Variants in TRAK1 observed in about 807,000 individuals in gnomAD.
The protein encoded by TRAK1 is trafficking kinesin protein 1, also known as trafficking kinesin-binding protein 1.
Under a neutral mutation model 92.1 loss-of-function variants are expected in TRAK1, and 33 were observed. That is an observed-to-expected ratio of 0.36 (90% confidence interval 0.27 to 0.48). The LOEUF is 0.48. Ranked by LOEUF, TRAK1 falls within the 20% of genes least tolerant of loss-of-function variation. The pLI, the probability that TRAK1 is intolerant of heterozygous loss-of-function variation, is 0.99. For missense variants in TRAK1, 1,123 were observed against 1,257.9 expected (o/e 0.89, Z 1.62); for synonymous variants, 521 against 517.3 (o/e 1.01, Z -0.10).
At chr3:42,052,007 C>G (rs1576186076) in intron 1 of TRAK1, among the ~76,000 whole-genome samples, 1 of 152,306 alleles carries the variant, frequency 6.6e-6, no homozygotes, top group African/African-American at 2.4e-5. Flanking sequence ...GATATGACAG[C>G]TTAGCATGTG....
At chr3:42,020,586 T>C (rs950703909) in intron 1 of TRAK1, among the ~76,000 whole-genome samples, 7 of 152,228 alleles carry the variant, frequency 4.6e-5, no homozygotes, top group Non-Finnish European at 1.0e-4. Context: ...GTTGGGACTA[T>C]CATGGATAAA....
chr3:42,200,439 C>T (rs1208769283), intron 11 of TRAK1, among the ~76,000 whole-genome samples: 1 of 152,186 alleles, frequency 6.6e-6, no homozygotes, highest in African/African-American at 2.4e-5. Context: ...GAGCAGTAAA[C>T]ACTGCCCTGC....
Position 42,171,274 on chromosome 3 carries a change from G to A in TRAK1, c.287-5540G>A, listed in dbSNP as rs1702527125. Reference sequence around the variant, plus strand: ...AGATATGTAGAGCTGACATCAATGGGAGGAATGTTACCAGAATTAGGTTAA... The same window carrying A: ...AGATATGTAGAGCTGACATCAATGGAAGGAATGTTACCAGAATTAGGTTAA... On this transcript the variant is annotated intron_variant, in intron 2 of 15. Transcript: ENST00000327628. Among the ~76,000 whole-genome samples the A allele has an allele frequency of 2.0e-5, 3 of 152,166 alleles. No individual in the cohort carries two copies. In the South Asian group the frequency reaches 6.2e-4, roughly 32 times the overall value.
At chr3:42,103,489 C>A (rs6808207) in intron 1 of TRAK1, among the ~76,000 whole-genome samples, 1 of 151,990 alleles carries the variant, frequency 6.6e-6, no homozygotes, top group Non-Finnish European at 1.5e-5. Flanking sequence ...GTTCTTAATA[C>A]GCTTTCAAAG....
chr3:42,142,372 T>C (rs1020233785), intron 2 of TRAK1, among the ~76,000 whole-genome samples: 1 of 152,198 alleles, frequency 6.6e-6, no homozygotes, highest in African/African-American at 2.4e-5. Context: ...GTTAGTGTCT[T>C]ACTGTTATCA....
Position 42,223,856 on chromosome 3 carries a change from C to T in TRAK1, c.*119C>T. On this transcript the variant is annotated 3_prime_UTR_variant, in exon 16 of 16. Transcript: ENST00000327628. This position sits in a 1 kb window ranked among gnomAD's most constrained non-coding sequence, Gnocchi z 6.1. ...TCTGCCCTTCTCTGTCCACCCCCTC[C>T]TAAGCTAGACAAATCAACCTCGTGC... 1 of 1,178,780 alleles carries T rather than the reference C, an allele frequency of 8.5e-7. No individual in the cohort carries two copies. Among genetic ancestry groups the T allele is most frequent in the Non-Finnish European group, 1.2e-6 (1 of 837,536 alleles). The allele number at this position is 1,178,780 out of a possible 1,614,324, so 73.0% of individuals were successfully genotyped here. A position where few individuals can be genotyped will look rare whatever the true frequency, so the allele number is the denominator to read the frequency against.
Position 42,209,815 on chromosome 3 carries a change from G to T in TRAK1, c.1793G>T (p.Gly598Val). ...HWQQLAQPHL[G>V]GILDPRPGVV... ...CAGCAGTTGGCCCAACCTCACCTTGGGGGCATCCTGGACCCCCGGCCCGGT... is the reference window on the plus strand; with the variant it reads ...CAGCAGTTGGCCCAACCTCACCTTGTGGGCATCCTGGACCCCCGGCCCGGT... Residue 598 changes from glycine (G) to valine (V), a missense_variant, in exon 14 of 16, where the codon GGG becomes GTG. This residue lies in a region of TRAK1 where 36 missense variants were observed against 71.3 expected (regional missense o/e 0.50). Coordinates refer to ENST00000327628, the MANE Select transcript of TRAK1 (RefSeq NM_001042646.3). 6.2e-7 allele frequency: 1 copy of T among 1,614,146 alleles called. No individual in the cohort carries two copies. The highest frequency in any genetic ancestry group is 8.5e-7 in the Non-Finnish European group (1 of 1,180,024).
chr3:42,222,312 A>G (rs13324168), intron 15 of TRAK1, among the ~76,000 whole-genome samples: 22,863 of 152,098 alleles, frequency 0.15, 3,028 homozygotes, highest in African/African-American at 0.36. Context: ...GGGCAAGGAT[A>G]TAAAGAGGGT....
intron 2 of TRAK1, among the ~76,000 whole-genome samples, chr3:42,143,691 T>C (rs989664638): frequency 1.3e-5 from 2 of 151,954 alleles, no homozygotes; most frequent in Non-Finnish European, 2.9e-5. Flanking sequence ...CTAGTGGCAG[T>C]GATGGAGGAG....
Position 42,105,050 on chromosome 3 carries a change from C to A in TRAK1, c.91+13490C>A, listed in dbSNP as rs74646725. 1.8e-3 allele frequency among the ~76,000 whole-genome samples: 276 copies of A among 150,762 alleles called. 5 individuals are homozygous for A. In the East Asian group the frequency reaches 0.046, roughly 25 times the overall value. ...CACCGCAACCTCTGCCTCCTGGCTT[C>A]AAGTGAGTCTCCTGCCTCAGCCTCC... On this transcript the variant is annotated intron_variant, in intron 1 of 15. Transcript: ENST00000327628.
At chr3:42,182,700 C>T (rs533166015) in intron 3 of TRAK1, among the ~76,000 whole-genome samples, 1 of 152,274 alleles carries the variant, frequency 6.6e-6, no homozygotes, top group African/African-American at 2.4e-5. Context: ...CAAGAGGGAG[C>T]CAAAGTGCTG....
upstream of TRAK1, among the ~76,000 whole-genome samples, chr3:42,082,984 C>T (rs1182009156): frequency 6.6e-6 from 1 of 152,176 alleles, no homozygotes; most frequent in African/African-American, 2.4e-5. Flanking sequence ...ATGACTCGAT[C>T]CTCTGTTGTG....
intron 2 of TRAK1, among the ~76,000 whole-genome samples, chr3:42,138,394 G>A (rs998602509): frequency 1.3e-5 from 2 of 152,148 alleles, no homozygotes; most frequent in African/African-American, 4.8e-5. Context: ...TTGAATAGGT[G>A]CCTAATGAAT....
At chr3:42,142,212 G>T (rs2149221796) in intron 2 of TRAK1, among the ~76,000 whole-genome samples, 1 of 152,258 alleles carries the variant, frequency 6.6e-6, no homozygotes, top group East Asian at 1.9e-4. Context: ...GCTTCCAGGT[G>T]GACATTATCT....
intron 2 of TRAK1, among the ~76,000 whole-genome samples, chr3:42,145,097 G>C (rs929509821): frequency 1.3e-5 from 2 of 152,084 alleles, no homozygotes; most frequent in East Asian, 1.9e-4. Context: ...CCACCTCCTC[G>C]CCTCCCCAAA....
At chr3:42,151,267 G>T (rs370836681) in intron 2 of TRAK1, 20 of 443,968 alleles carry the variant, frequency 4.5e-5, no homozygotes, top group East Asian at 4.3e-4. Flanking sequence ...GCTTGCCATG[G>T]TCAATCTGGA....
At chr3:42,215,543 TAGAACTTGCAAAGC>T (rs1709590800) in intron 14 of TRAK1, among the ~76,000 whole-genome samples, 2 of 151,988 alleles carry the variant, frequency 1.3e-5, no homozygotes, top group South Asian at 4.2e-4. Context: ...GAGGAGTTTA[TAGAACTTGCAAAGC>T]AGATCCAAGT....
At chr3:42,111,338 A>G (rs1310088303) in intron 1 of TRAK1, among the ~76,000 whole-genome samples, 1 of 151,672 alleles carries the variant, frequency 6.6e-6, no homozygotes, top group Non-Finnish European at 1.5e-5. Flanking sequence ...CCCAAAACAA[A>G]CCTCCTTATT....
At chr3:42,112,117 C>G (rs1708492431) in intron 1 of TRAK1, among the ~76,000 whole-genome samples, 1 of 146,396 alleles carries the variant, frequency 6.8e-6, no homozygotes, top group Non-Finnish European at 1.5e-5. Flanking sequence ...GTAATCTAAT[C>G]CCTTTCCTCA....
Sources: allele counts gnomAD v4.1 joint callset (sites outside exome capture counted in the v4.1 genomes callset), GRCh38; gene constraint gnomAD v4.1.1; regional missense constraint gnomAD v4.1.1; non-coding constraint Gnocchi (gnomAD v3.1); transcripts MANE v1.5; gene names NCBI Gene and HGNC (gene_info 2026-07-23, HGNC 2026-07-21).